The following PTPRT variants were observed in gnomAD, a reference collection of about 807,000 sequenced individuals.
PTPRT encodes the protein protein tyrosine phosphatase receptor type T.
In PTPRT, 56 loss-of-function variants were observed where a neutral mutation model predicts 176.8. The observed-to-expected ratio is 0.32, with a 90% CI of 0.26 to 0.40. The LOEUF is 0.40. Ranked by LOEUF, PTPRT falls within the 10% of genes least tolerant of loss-of-function variation. The pLI is 1.00. For synonymous variants in PTPRT, 783 were observed against 739.0 expected (o/e 1.06, Z -0.96); for missense variants, 1,540 against 1,908.2 (o/e 0.81, Z 3.60).
downstream of PTPRT, among the ~76,000 whole-genome samples, chr20:42,068,676 G>C (rs1982185012): frequency 1.3e-5 from 2 of 152,192 alleles, no homozygotes; most frequent in African/African-American, 4.8e-5. Flanking sequence ...ACATGATTCA[G>C]CATCAACCAC....
At chr20:42,597,079 C>T (rs2073684174) in intron 7 of PTPRT, among the ~76,000 whole-genome samples, 1 of 152,162 alleles carries the variant, frequency 6.6e-6, no homozygotes, top group Admixed American at 6.5e-5. Flanking sequence ...GAGGTGTCAG[C>T]CAGGGCTTAG....
intron 1 of PTPRT, among the ~76,000 whole-genome samples, chr20:42,936,357 G>A (rs1980190724): frequency 6.6e-6 from 1 of 152,218 alleles, no homozygotes; most frequent in African/African-American, 2.4e-5. Context: ...CAGATGCAAG[G>A]GTCTTGGGAC....
intron 7 of PTPRT, among the ~76,000 whole-genome samples, chr20:42,512,201 T>C (rs540855506): frequency 2.6e-5 from 4 of 152,344 alleles, no homozygotes; most frequent in East Asian, 1.9e-4. Context: ...ATAGATTTCA[T>C]GTAACCACCA....
chr20:42,753,288 T>C (rs77308103), intron 6 of PTPRT, among the ~76,000 whole-genome samples: 2,232 of 152,104 alleles, frequency 0.015, 62 homozygotes, highest in African/African-American at 0.049. Context: ...CTCCCACTCA[T>C]GAAATGAGTT....
intron 7 of PTPRT, among the ~76,000 whole-genome samples, chr20:42,547,973 T>C (rs546827304): frequency 6.6e-6 from 1 of 152,012 alleles, no homozygotes; most frequent in Non-Finnish European, 1.5e-5. Flanking sequence ...CCATATACTA[T>C]GATAACAAAA....
At chr20:42,315,164 G>A (rs368490117) in intron 12 of PTPRT, among the ~76,000 whole-genome samples, 5 of 64,942 alleles carry the variant, frequency 7.7e-5, no homozygotes, top group East Asian at 7.3e-4. Flanking sequence ...CGGCCTGGGC[G>A]ACAGAGCGAG....
chr20:42,946,035 T>G (rs1980864353), intron 1 of PTPRT, among the ~76,000 whole-genome samples: 1 of 152,220 alleles, frequency 6.6e-6, no homozygotes, highest in South Asian at 2.1e-4. Flanking sequence ...TTCTAGAGGT[T>G]CATCCACAAT....
intron 7 of PTPRT, among the ~76,000 whole-genome samples, chr20:42,504,717 G>GAGTTT (rs2071814037): frequency 6.6e-6 from 1 of 152,084 alleles, no homozygotes; most frequent in Admixed American, 6.6e-5. Flanking sequence ...TTAAATTAGG[G>GAGTTT]AGTTTAGTTT....
intron 7 of PTPRT, among the ~76,000 whole-genome samples, chr20:42,582,659 T>C (rs1485182223): frequency 6.6e-6 from 1 of 152,196 alleles, no homozygotes; most frequent in Admixed American, 6.5e-5. Flanking sequence ...TGTGGTTATC[T>C]GTGATCACCC....
At chr20:42,210,915 C>T (rs1408855849) in intron 15 of PTPRT, among the ~76,000 whole-genome samples, 1 of 150,858 alleles carries the variant, frequency 6.6e-6, no homozygotes, top group Non-Finnish European at 1.5e-5. Flanking sequence ...GCTACAGTAA[C>T]CAAAACAGCA....
At chr20:42,098,295 A>T (rs942996616) in intron 27 of PTPRT, 126 bp downstream of exon 27, 44 of 1,332,810 alleles carry the variant, frequency 3.3e-5, no homozygotes, top group Non-Finnish European at 4.3e-5. Context: ...TCGTGGCCAG[A>T]CACTGCTTAT....
At chr20:42,133,617 T>C (rs1209422167) in intron 18 of PTPRT, among the ~76,000 whole-genome samples, 1 of 152,202 alleles carries the variant, frequency 6.6e-6, no homozygotes, top group Non-Finnish European at 1.5e-5. Flanking sequence ...ATAGTAGATA[T>C]ATGTCATTGT....
At chr20:42,185,025 GA>G (rs1300756738) in intron 16 of PTPRT, among the ~76,000 whole-genome samples, 1 of 151,968 alleles carries the variant, frequency 6.6e-6, no homozygotes, top group Non-Finnish European at 1.5e-5. Flanking sequence ...CTCTCACCTA[GA>G]AAACCAGCAT....
chr20:42,609,294 G>A (rs568087224), intron 7 of PTPRT, among the ~76,000 whole-genome samples: 3 of 151,988 alleles, frequency 2.0e-5, no homozygotes, highest in East Asian at 1.9e-4. Flanking sequence ...GGCTGGTCTC[G>A]AACTCCTGAC....
intron 6 of PTPRT, among the ~76,000 whole-genome samples, chr20:42,721,942 G>T (rs1343806280): frequency 6.6e-6 from 1 of 152,204 alleles, no homozygotes; most frequent in Non-Finnish European, 1.5e-5. Flanking sequence ...AGGGACTCAT[G>T]AAATTGTGTC....
At chr20:42,465,301 T>C (rs2071085599) in intron 8 of PTPRT, among the ~76,000 whole-genome samples, 1 of 152,150 alleles carries the variant, frequency 6.6e-6, no homozygotes, top group Non-Finnish European at 1.5e-5. Context: ...GCAATCCCAC[T>C]TTTAAGAATT....
chr20:42,238,508 G>A (rs2056288922), intron 14 of PTPRT, among the ~76,000 whole-genome samples: 1 of 152,194 alleles, frequency 6.6e-6, no homozygotes, highest in Non-Finnish European at 1.5e-5. Context: ...ACTGTAAGGA[G>A]ATAATTTCTT....
intron 1 of PTPRT, among the ~76,000 whole-genome samples, chr20:42,922,087 C>T (rs986872132): frequency 6.6e-6 from 1 of 152,148 alleles, no homozygotes; most frequent in Non-Finnish European, 1.5e-5. Flanking sequence ...AGGCGTGTAC[C>T]ACCACACCTA....
At chr20:42,773,846 C>G (rs1211308963) in intron 4 of PTPRT, among the ~76,000 whole-genome samples, 1 of 152,166 alleles carries the variant, frequency 6.6e-6, no homozygotes, top group Admixed American at 6.5e-5. Flanking sequence ...CTGGGAAACT[C>G]TGTGTTTAGT....
Sources: allele counts gnomAD v4.1 joint callset (sites outside exome capture counted in the v4.1 genomes callset), GRCh38; gene constraint gnomAD v4.1.1; transcripts MANE v1.5; gene names NCBI Gene and HGNC (gene_info 2026-07-23, HGNC 2026-07-21).